Variants in DACH2 observed in about 807,000 individuals in gnomAD.
The protein encoded by DACH2 is dachshund homolog 2.
DACH2 carries 17 observed loss-of-function variants against 35.8 expected under a neutral mutation model. The observed-to-expected ratio is 0.48, with a 90% CI of 0.33 to 0.71. DACH2 has a LOEUF of 0.71. Among genes scored for constraint, DACH2 ranks in the 30% least tolerant of loss-of-function variants. The probability of loss-of-function intolerance (pLI) is 0.02; values close to 1 mark genes in which losing one functional copy is unlikely to be tolerated. For missense variants in DACH2, 469 were observed against 472.7 expected (o/e 0.99, Z 0.07); for synonymous variants, 195 against 177.3 (o/e 1.10, Z -0.79).
intron 1 of DACH2, among the ~76,000 whole-genome samples, chrX:86,189,858 A>AT (rs941357458): frequency 9.0e-6 from 1 of 110,521 alleles, no homozygotes; most frequent in Non-Finnish European, 1.9e-5. Flanking sequence ...TCTTATAATA[A>AT]TTTTTTTTAC....
At chrX:86,293,735 A>C (rs1272356327) in intron 1 of DACH2, among the ~76,000 whole-genome samples, 3 of 111,315 alleles carry the variant, frequency 2.7e-5, no homozygotes, top group Non-Finnish European at 3.8e-5. Context: ...TTTCTTTAAG[A>C]ATGTTGAATA....
chrX:86,596,783 A>G (rs1378905103), intron 3 of DACH2, among the ~76,000 whole-genome samples: 2 of 111,246 alleles, frequency 1.8e-5, no homozygotes, highest in African/African-American at 6.5e-5. Flanking sequence ...CATATCTAAG[A>G]AACTATTGCC....
At chrX:86,610,456 C>T (rs945430136) in intron 3 of DACH2, among the ~76,000 whole-genome samples, 2 of 88,166 alleles carry the variant, frequency 2.3e-5, no homozygotes, top group Non-Finnish European at 2.2e-5. Flanking sequence ...CTTTTTCTTT[C>T]GACAGGGTCT....
intron 4 of DACH2, among the ~76,000 whole-genome samples, chrX:86,688,678 C>G (rs182777693): frequency 3.7e-4 from 42 of 112,050 alleles, no homozygotes; most frequent in African/African-American, 1.4e-3. Context: ...GGAGCAAGAT[C>G]TCTTTCATTG....
intron 1 of DACH2, among the ~76,000 whole-genome samples, chrX:86,277,704 A>T (rs919135679): frequency 3.6e-5 from 4 of 111,450 alleles, no homozygotes; most frequent in African/African-American, 1.3e-4. Flanking sequence ...GAAGATGAGG[A>T]GCATAGTGGC....
chrX:86,191,882 A>C (rs1461497761), intron 1 of DACH2, among the ~76,000 whole-genome samples: 1 of 111,746 alleles, frequency 8.9e-6, no homozygotes, highest in Non-Finnish European at 1.9e-5. Flanking sequence ...CGGAGGTTTC[A>C]GTGAGCCGAG....
At chrX:86,257,737 C>G (rs1214888427) in intron 1 of DACH2, among the ~76,000 whole-genome samples, 1 of 111,383 alleles carries the variant, frequency 9.0e-6, no homozygotes, top group Non-Finnish European at 1.9e-5. Context: ...ATATAAGAAG[C>G]AAAGGAAAAA....
intron 1 of DACH2, among the ~76,000 whole-genome samples, chrX:86,207,870 G>A (rs1234066465): frequency 9.0e-6 from 1 of 111,475 alleles, no homozygotes; most frequent in East Asian, 2.8e-4. Context: ...AAGATAAGTA[G>A]CTTTGAGGTA....
rs750752976 is a variant in DACH2 at position 86,233,313 on chromosome X, C to A, written c.488+84205C>A. Among the ~76,000 whole-genome samples, 6 of 111,579 alleles carry A rather than the reference C, an allele frequency of 5.4e-5. No individual in the cohort carries two copies. In the East Asian group the frequency reaches 8.5e-4, roughly 16 times the overall value. ...GACACAAGTTTACCTATATAACAAA[C>A]CTGCACATGTACACCTGAACCTAAA... On this transcript the variant is annotated intron_variant, in intron 1 of 11. Coordinates refer to ENST00000373125, the MANE Select transcript of DACH2 (RefSeq NM_053281.3).
intron 2 of DACH2, among the ~76,000 whole-genome samples, chrX:86,402,319 T>C (rs980817082): frequency 4.5e-5 from 5 of 112,057 alleles, no homozygotes; most frequent in African/African-American, 6.5e-5. Context: ...CTAGAACTGA[T>C]AAACAACTTA....
At chrX:86,438,565 G>T (rs1348622693) in intron 2 of DACH2, among the ~76,000 whole-genome samples, 2 of 111,821 alleles carry the variant, frequency 1.8e-5, no homozygotes, top group East Asian at 2.8e-4. Flanking sequence ...ATTCTATGGT[G>T]TATGGGTGCC....
intron 4 of DACH2, among the ~76,000 whole-genome samples, chrX:86,679,087 T>C (rs1337301227): frequency 9.1e-6 from 1 of 109,647 alleles, no homozygotes; most frequent in Non-Finnish European, 1.9e-5. Context: ...ACAAATGTTC[T>C]TTCCCACCTC....
At chrX:86,772,739 T>C (rs1365565772) in intron 7 of DACH2, among the ~76,000 whole-genome samples, 3 of 111,579 alleles carry the variant, frequency 2.7e-5, no homozygotes, top group African/African-American at 6.5e-5. Context: ...TTCCATTGCA[T>C]AGAACTAGTG....
At position 86,287,256 on chromosome X, in the gene DACH2, G is replaced by A. The variant is rs373159069; in HGVS notation, c.489-89568G>A. Among the ~76,000 whole-genome samples the A allele has an allele frequency of 1.6e-3, 175 of 112,016 alleles. 1 individual carries two copies. The highest frequency in any genetic ancestry group is 5.3e-3 in the East Asian group (19 of 3,553). On this transcript the variant is annotated intron_variant, in intron 1 of 11. Transcript: ENST00000373125. ...TCCATTGAAAAGTCTGCTGCCAGAT[G>A]TAATGGAGATCCATTGTATGTTATT... is the stretch of plus-strand genomic sequence containing the variant.
At chrX:86,349,108 A>C (rs1345216278) in intron 1 of DACH2, among the ~76,000 whole-genome samples, 1 of 112,100 alleles carries the variant, frequency 8.9e-6, no homozygotes, top group East Asian at 2.8e-4. Flanking sequence ...TACCAGAAGA[A>C]TTGGATCACT....
At chrX:86,454,904 G>A (rs2037447406) in intron 2 of DACH2, among the ~76,000 whole-genome samples, 1 of 111,720 alleles carries the variant, frequency 9.0e-6, no homozygotes, top group African/African-American at 3.3e-5. Context: ...TCTCATCTTT[G>A]TGGGCTTATC....
chrX:86,460,632 C>G (rs1195055489), intron 2 of DACH2, among the ~76,000 whole-genome samples: 1 of 110,170 alleles, frequency 9.1e-6, no homozygotes, highest in Non-Finnish European at 1.9e-5. Flanking sequence ...ATGAATTATT[C>G]ATTACTGGAA....
chrX:86,529,164 C>T (rs898075984), intron 3 of DACH2, among the ~76,000 whole-genome samples: 1 of 111,574 alleles, frequency 9.0e-6, no homozygotes, highest in Non-Finnish European at 1.9e-5. Flanking sequence ...CTCACTTTGC[C>T]TCTGCAGTAG....
At chrX:86,217,852 A>G (rs1199348267) in intron 1 of DACH2, among the ~76,000 whole-genome samples, 5 of 111,832 alleles carry the variant, frequency 4.5e-5, no homozygotes, top group Non-Finnish European at 9.4e-5. Context: ...AAGTGATTAG[A>G]AATTGTAAGG....
Sources: allele counts gnomAD v4.1 joint callset (sites outside exome capture counted in the v4.1 genomes callset), GRCh38; gene constraint gnomAD v4.1.1; transcripts MANE v1.5; gene names NCBI Gene and HGNC (gene_info 2026-07-23, HGNC 2026-07-21).